NEBL: variants seen among roughly 807,000 people sequenced by gnomAD.
NEBL encodes the protein LIM and SH3 protein 2.
NEBL carries 122 observed loss-of-function variants against 140.2 expected under a neutral mutation model. The ratio of observed to expected loss-of-function variants is 0.87; its 90% CI spans 0.75 to 1.01. NEBL has a LOEUF of 1.01. NEBL is among the 50% of genes least tolerant of loss of function. The pLI, the probability that NEBL is intolerant of heterozygous loss-of-function variation, is 0.00. For missense variants in NEBL, 1,365 were observed against 1,231.3 expected (o/e 1.11, Z -1.62); for synonymous variants, 436 against 398.9 (o/e 1.09, Z -1.11).
rs1835033275 is a variant in NEBL at position 20,781,472 on chromosome 10, A to G, written c.*4275T>C. On this transcript the variant is annotated 3_prime_UTR_variant, in exon 28 of 28. Coordinates refer to ENST00000377122, the MANE Select transcript of NEBL (RefSeq NM_006393.3). Reference sequence around the variant, plus strand: ...ATGCTCAGCAATTCATTGCATGGACACTGGAGAATGGGACTGTGATGCAGT... The same window carrying G: ...ATGCTCAGCAATTCATTGCATGGACGCTGGAGAATGGGACTGTGATGCAGT... 1 of 152,200 alleles carries G rather than the reference A, an allele frequency of 6.6e-6. No homozygotes were observed. The highest frequency in any genetic ancestry group is 1.5e-5 in the Non-Finnish European group (1 of 68,026). 9.4% of individuals were successfully genotyped at this position (152,200 alleles called of 1,614,324 possible). A position where few individuals can be genotyped will look rare whatever the true frequency, so the allele number is the denominator to read the frequency against.
chr10:20,897,019 T>A lies in NEBL; in HGVS notation c.92A>T (p.Lys31Met). The change falls in exon 2 of 28, where the codon AAG becomes ATG. Residue 31 changes from lysine (K) to methionine (M), a missense_variant. Around this residue, in one of 2 missense-constraint regions of NEBL, gnomAD observed 1,323 missense variants for 1,154.8 expected, o/e 1.15. Transcript: ENST00000377122. ...CATGCTTAAGTCTTCAATAACAGGC[T>A]TATAGAAGACCTATTTGAAAAAAAA... Reference protein sequence around the residue: ...EENEEDQVFYKPVIEDLSMEL... With the variant: ...EENEEDQVFYMPVIEDLSMEL... 6.2e-7 allele frequency: 1 copy of A among 1,613,856 alleles called. No individual in the cohort carries two copies. The highest frequency in any genetic ancestry group is 2.2e-5 in the East Asian group (1 of 44,860).
intron 4 of NEBL, among the ~76,000 whole-genome samples, chr10:20,881,633 A>C (rs1846022320): frequency 6.6e-6 from 1 of 152,216 alleles, no homozygotes; most frequent in African/African-American, 2.4e-5. Flanking sequence ...CATAATGTTT[A>C]ATTACTTTGT....
intron 2 of NEBL, among the ~76,000 whole-genome samples, chr10:21,042,341 G>T (rs1011607204): frequency 6.6e-6 from 1 of 152,184 alleles, no homozygotes; most frequent in African/African-American, 2.4e-5. Flanking sequence ...CCAGCAGTGG[G>T]CTAGAGTTGG....
intron 2 of NEBL, among the ~76,000 whole-genome samples, chr10:20,890,594 G>T (rs1017995370): frequency 6.6e-6 from 1 of 152,130 alleles, no homozygotes; most frequent in Non-Finnish European, 1.5e-5. Flanking sequence ...CTATGTGGTG[G>T]AGATCATTCC....
chr10:21,172,921 T>C (rs1016891102), intron 1 of NEBL, among the ~76,000 whole-genome samples: 1 of 152,160 alleles, frequency 6.6e-6, no homozygotes, highest in Non-Finnish European at 1.5e-5. Context: ...ACGAGAGCTA[T>C]GTAAGTACCC....
At chr10:21,165,646 C>T (rs1423610137) in intron 2 of NEBL, among the ~76,000 whole-genome samples, 1 of 152,168 alleles carries the variant, frequency 6.6e-6, no homozygotes, top group Non-Finnish European at 1.5e-5. Flanking sequence ...ACGTGCCAGG[C>T]TTGGGGGCAT....
At chr10:20,820,516 G>C (rs1839193981) in intron 19 of NEBL, among the ~76,000 whole-genome samples, 1 of 152,180 alleles carries the variant, frequency 6.6e-6, no homozygotes, top group Non-Finnish European at 1.5e-5. Flanking sequence ...CACAAGACCT[G>C]CAGGGCCTGC....
intron 5 of NEBL, among the ~76,000 whole-genome samples, chr10:20,876,980 G>C (rs1398354754): frequency 6.6e-6 from 1 of 152,156 alleles, no homozygotes; most frequent in African/African-American, 2.4e-5. Flanking sequence ...AATAAGATAG[G>C]TTCAGGAAAC....
At chr10:20,833,711 G>A (rs1840628581) in intron 14 of NEBL, among the ~76,000 whole-genome samples, 2 of 149,942 alleles carry the variant, frequency 1.3e-5, no homozygotes. Context: ...AGCCGAGATT[G>A]CACCACTGCA....
chr10:20,806,585 C>T (rs565832756), intron 26 of NEBL, among the ~76,000 whole-genome samples: 7 of 152,328 alleles, frequency 4.6e-5, no homozygotes, highest in Admixed American at 1.3e-4. Flanking sequence ...CATTCCACCC[C>T]GTCACAGGCC....
chr10:21,156,449 A>G (rs1840340575), intron 2 of NEBL, among the ~76,000 whole-genome samples: 1 of 152,242 alleles, frequency 6.6e-6, no homozygotes, highest in Non-Finnish European at 1.5e-5. Flanking sequence ...TGGTGTTTTC[A>G]AAACACACAT....
chr10:21,046,349 A>C (rs529038277), intron 2 of NEBL, among the ~76,000 whole-genome samples: 63 of 152,344 alleles, frequency 4.1e-4, no homozygotes, highest in Admixed American at 1.1e-3. Flanking sequence ...TTATACTTGA[A>C]AATTGCTAGG....
intron 4 of NEBL, among the ~76,000 whole-genome samples, chr10:20,910,623 C>T (rs1198991119): frequency 6.6e-6 from 1 of 152,168 alleles, no homozygotes; most frequent in African/African-American, 2.4e-5. Flanking sequence ...AAGCATGCAA[C>T]ACAGAAGGAG....
chr10:21,263,055 A>C (rs945859101), intron 1 of NEBL, among the ~76,000 whole-genome samples: 3 of 152,228 alleles, frequency 2.0e-5, no homozygotes, highest in Non-Finnish European at 4.4e-5. Context: ...TCTTTTGTGG[A>C]TGCACAAGGT....
chr10:20,948,855 T>C (rs1221391377), intron 4 of NEBL, among the ~76,000 whole-genome samples: 2 of 152,090 alleles, frequency 1.3e-5, no homozygotes, highest in African/African-American at 4.8e-5. Context: ...GTCCCAGTGG[T>C]TTGTCGTTAA....
At chr10:20,954,678 G>T (rs1028824166) in intron 4 of NEBL, among the ~76,000 whole-genome samples, 5 of 152,144 alleles carry the variant, frequency 3.3e-5, no homozygotes, top group East Asian at 3.9e-4. Flanking sequence ...CGAATTCCAG[G>T]TTTCACACAG....
At chr10:21,113,464 G>A in intron 2 of NEBL, 1 of 378,002 alleles carries the variant, frequency 2.6e-6, no homozygotes, top group Non-Finnish European at 5.0e-6. Flanking sequence ...TGACCAGGAG[G>A]CTATTCAGAT....
chr10:21,201,597 T>A (rs1363222783), intron 3 of NEBL, among the ~76,000 whole-genome samples: 1 of 152,082 alleles, frequency 6.6e-6, no homozygotes, highest in Non-Finnish European at 1.5e-5. Context: ...AAAGATAAAA[T>A]TACAACATAT....
chr10:21,230,734 A>G (rs959583724), intron 3 of NEBL, among the ~76,000 whole-genome samples: 1 of 151,312 alleles, frequency 6.6e-6, no homozygotes, highest in Non-Finnish European at 1.5e-5. Flanking sequence ...CCTCCCAAGT[A>G]GCTGGGATTA....
Sources: allele counts gnomAD v4.1 joint callset (sites outside exome capture counted in the v4.1 genomes callset), GRCh38; gene constraint gnomAD v4.1.1; regional missense constraint gnomAD v4.1.1; transcripts MANE v1.5; gene names NCBI Gene and HGNC (gene_info 2026-07-23, HGNC 2026-07-21).